The following PCDHA3 variants were observed in gnomAD, a reference collection of about 807,000 sequenced individuals.
PCDHA3 encodes protocadherin alpha 3.
Under a neutral mutation model 62.2 loss-of-function variants are expected in PCDHA3, and 41 were observed. That is an observed-to-expected ratio of 0.66 (90% confidence interval 0.51 to 0.86). The LOEUF is 0.86. Ranked by LOEUF, PCDHA3 falls within the 40% of genes least tolerant of loss-of-function variation. The pLI, the probability that PCDHA3 is intolerant of heterozygous loss-of-function variation, is 0.00. For synonymous variants in PCDHA3, 640 were observed against 555.4 expected, an observed-to-expected ratio of 1.15 and a Z score of -2.14; for missense variants, 1,304 against 1,241.2, an observed-to-expected ratio of 1.05 and a Z score of -0.76.
At position 140,984,181 on chromosome 5, in the gene PCDHA3, C is replaced by T. The variant is rs995252456; in HGVS notation, c.2542+1618C>T. Among the ~76,000 whole-genome samples, 5 of 152,210 alleles carry T rather than the reference C, an allele frequency of 3.3e-5. No individual in the cohort carries two copies. In the East Asian group the frequency reaches 9.6e-4, roughly 29 times the overall value. Reference sequence around the variant, plus strand: ...ACTTCCCAAAGAAGCCACGTGAAATCATGACTTTCTACCTTGCCTTTATTT... The same window carrying T: ...ACTTCCCAAAGAAGCCACGTGAAATTATGACTTTCTACCTTGCCTTTATTT... On this transcript the variant is annotated intron_variant, in intron 3 of 3. Coordinates refer to ENST00000522353, the MANE Select transcript of PCDHA3 (RefSeq NM_018906.3).
Position 140,803,378 on chromosome 5 carries a change from AACCGAAGGC to A in PCDHA3, c.2182_2190del (p.Thr728_Gly730del), listed in dbSNP as rs1554122767. 3.1e-6 allele frequency: 5 copies of A among 1,614,214 alleles called. 1 individual carries two copies. The South Asian group carries it at 5.5e-5, about 18-fold the overall frequency. Reference sequence around the variant, plus strand: ...CTGCTCTGCGGTGCTCCGCGCCGCCAACCGAAGGCGACTGTGGGCCGGGCAAGCCCACGC... The same window carrying A: ...CTGCTCTGCGGTGCTCCGCGCCGCCAGACTGTGGGCCGGGCAAGCCCACGC... On this transcript the variant is annotated inframe_deletion, in exon 1 of 4. Coordinates refer to ENST00000522353, the MANE Select transcript of PCDHA3 (RefSeq NM_018906.3).
rs200661884 is a variant in PCDHA3 at position 140,803,159 on chromosome 5, C to T, written c.1962C>T (p.His654=). The T allele has an allele frequency of 2.5e-6, 4 of 1,613,776 alleles. No homozygotes were observed. Among genetic ancestry groups the T allele is most frequent in the African/African-American group, 1.3e-5 (1 of 74,948 alleles). The part of the protein sequence containing the change: ...RHRLLVLVKD[H]GEPSLTATAT... ...GCCTACTGGTGCTGGTGAAGGACCA[C>T]GGTGAACCCTCATTGACCGCCACGG... Residue 654 remains histidine (H), a synonymous_variant, in exon 1 of 4, where the codon CAC becomes CAT. Coordinates refer to ENST00000522353, the MANE Select transcript of PCDHA3 (RefSeq NM_018906.3).
At position 140,850,667 on chromosome 5, in the gene PCDHA3, G is replaced by C. The variant is rs2150492921; in HGVS notation, c.2394+47076G>C. Reference sequence around the variant, plus strand: ...TGCTGTACACTGTGCTGCGGTGCTCGGCGATGCCCACCGAGGGCGAGTGCG... The same window carrying C: ...TGCTGTACACTGTGCTGCGGTGCTCCGCGATGCCCACCGAGGGCGAGTGCG... On this transcript the variant is annotated intron_variant, in intron 1 of 3. Transcript: ENST00000522353. 10 of 1,598,386 alleles carry C rather than the reference G, an allele frequency of 6.3e-6. No homozygotes were observed. The East Asian group carries it at 1.3e-4, about 21-fold the overall frequency.
At chr5:140,884,378 A>G (rs781954919) in intron 1 of PCDHA3, 3 of 1,613,952 alleles carry the variant, frequency 1.9e-6, no homozygotes, top group Non-Finnish European at 2.5e-6. Flanking sequence ...GATCATTGCC[A>G]TCTGCGCGGT....
At position 140,858,282 on chromosome 5, in the gene PCDHA3, G is replaced by T. The variant is rs782040852; in HGVS notation, c.2394+54691G>T. On this transcript the variant is annotated intron_variant, in intron 1 of 3. Coordinates refer to ENST00000522353, the MANE Select transcript of PCDHA3 (RefSeq NM_018906.3). ...CTGGTGTGCTCTAGCGCGGTGGGGA[G>T]CTGGTCTTACTCGCAGCAGAGGCGG... 2.5e-6 allele frequency: 4 copies of T among 1,597,480 alleles called. No homozygotes were observed. The highest frequency in any genetic ancestry group is 3.4e-6 in the Non-Finnish European group (4 of 1,167,300).
In PCDHA3 at chr5:140,836,149, A is replaced by C. The variant is rs1463857547; in HGVS notation, c.2394+32558A>C. On this transcript the variant is annotated intron_variant, in intron 1 of 3. Coordinates refer to ENST00000522353, the MANE Select transcript of PCDHA3 (RefSeq NM_018906.3). Reference sequence around the variant, plus strand: ...GTGCCGCGGTCTGTGGGCGCGGGCCATGTGGTGGCGAAGGTACGTGCAGTT... The same window carrying C: ...GTGCCGCGGTCTGTGGGCGCGGGCCCTGTGGTGGCGAAGGTACGTGCAGTT... The C allele has an allele frequency of 1.2e-6, 2 of 1,613,636 alleles. No homozygotes were observed. The highest frequency in any genetic ancestry group is 1.7e-6 in the Non-Finnish European group (2 of 1,179,796).
At chr5:140,805,836 C>T (rs1340568137) in intron 1 of PCDHA3, among the ~76,000 whole-genome samples, 1 of 152,126 alleles carries the variant, frequency 6.6e-6, no homozygotes, top group East Asian at 1.9e-4. Flanking sequence ...ATTTTCCCAA[C>T]TAGATATGCG....
chr5:140,823,817 C>T, intron 1 of PCDHA3: 1 of 1,613,782 alleles, frequency 6.2e-7, no homozygotes, highest in Non-Finnish European at 8.5e-7. Context: ...TCATCGCGGG[C>T]GTCGGCGGGC....
intron 1 of PCDHA3, among the ~76,000 whole-genome samples, chr5:140,923,505 G>C (rs1281972725): frequency 6.6e-6 from 1 of 152,118 alleles, no homozygotes; most frequent in East Asian, 1.9e-4. Context: ...CTCCAGCCTG[G>C]ATGATGAAGT....
In PCDHA3 at chr5:140,937,678, T is replaced by C. The variant is rs570305485; in HGVS notation, c.2395-41271T>C. On this transcript the variant is annotated intron_variant, in intron 1 of 3. Coordinates refer to ENST00000522353, the MANE Select transcript of PCDHA3 (RefSeq NM_018906.3). ...CTGTAATCCCAGCACTTTGGGAGGC[T>C]GAGGCAGGCGGATCACGAGGTCAGG... Among the ~76,000 whole-genome samples the C allele has an allele frequency of 5.4e-3, 825 of 151,734 alleles. 2 individuals are homozygous for C. Among genetic ancestry groups the C allele is most frequent in the African/African-American group, 0.019 (794 of 41,384 alleles).
chr5:140,969,826 A>G (rs782339572), intron 1 of PCDHA3, among the ~76,000 whole-genome samples: 24 of 152,344 alleles, frequency 1.6e-4, no homozygotes, highest in Middle Eastern at 3.4e-3. Flanking sequence ...TGGACTGTCT[A>G]CAGTGGAAAT....
rs2150362275 is a variant in PCDHA3 at position 140,843,540 on chromosome 5, T to G, written c.2394+39949T>G. On this transcript the variant is annotated intron_variant, in intron 1 of 3. Transcript: ENST00000522353. Reference sequence around the variant, plus strand: ...TGCCGGGCGGGCAAGCCCACTCTGGTGTGCTCCAGTGCGGTGGGGAGCTGG... The same window carrying G: ...TGCCGGGCGGGCAAGCCCACTCTGGGGTGCTCCAGTGCGGTGGGGAGCTGG... 12 of 1,595,850 alleles carry G rather than the reference T, an allele frequency of 7.5e-6. 3 individuals are homozygous for G. Among genetic ancestry groups the G allele is most frequent in the Non-Finnish European group, 1.0e-5 (12 of 1,165,530 alleles).
intron 1 of PCDHA3, chr5:140,858,049 G>C (rs181372488): frequency 6.3e-7 from 1 of 1,597,448 alleles, no homozygotes. Flanking sequence ...TGCTTGTGTC[G>C]CTTGTGGAGG....
intron 1 of PCDHA3, among the ~76,000 whole-genome samples, chr5:140,946,631 T>TATATATTATATATATATATATATATACAC (rs57893927): frequency 7.6e-6 from 1 of 131,846 alleles, no homozygotes; most frequent in African/African-American, 3.5e-5. Flanking sequence ...TATATATATA[T>TATATATTATATATATATATATATATACAC]ACAATGGAAT....
intron 1 of PCDHA3, among the ~76,000 whole-genome samples, chr5:140,941,223 C>CTT (rs1276732463): frequency 3.0e-5 from 4 of 132,446 alleles, no homozygotes; most frequent in African/African-American, 1.2e-4. Context: ...TCCTTTCTTT[C>CTT]TTTCTTTCTT....
chr5:140,808,799 C>G lies in PCDHA3; in HGVS notation c.2394+5208C>G, dbSNP rs1207755540. On this transcript the variant is annotated intron_variant, in intron 1 of 3. Transcript: ENST00000522353. ...GCTGCTGCAGTTTCAGGTGACCGCT[C>G]GCGATGCCGGCGTGCCACCTCTGGG... 5 of 1,612,456 alleles carry G rather than the reference C, an allele frequency of 3.1e-6. No homozygotes were observed. In the East Asian group the frequency reaches 6.7e-5, roughly 22 times the overall value.
chr5:140,982,340 G>C (rs1186327832), intron 2 of PCDHA3, 135 bp from the exon 3 acceptor site: 1 of 1,458,038 alleles, frequency 6.9e-7, no homozygotes, highest in East Asian at 2.5e-5. Flanking sequence ...AGCAGTAATT[G>C]CTTCAGTTCA....
At chr5:140,823,365 G>A (rs2150125065) in intron 1 of PCDHA3, 4 of 1,612,764 alleles carry the variant, frequency 2.5e-6, no homozygotes, top group East Asian at 2.2e-5. Context: ...TGGAGCTGCT[G>A]CAGTTCCAGG....
At chr5:140,907,746 T>G (rs1240884837) in intron 1 of PCDHA3, among the ~76,000 whole-genome samples, 3 of 152,302 alleles carry the variant, frequency 2.0e-5, no homozygotes, top group African/African-American at 7.2e-5. Context: ...ATGGCCACTT[T>G]GTTCATGGGC....
Sources: gnomAD v4.1 joint callset for allele counts (sites outside exome capture counted in the v4.1 genomes callset) on GRCh38, gnomAD v4.1.1 for gene constraint, MANE v1.5 for transcripts, NCBI Gene and HGNC (gene_info 2026-07-23, HGNC 2026-07-21) for gene names.